Variants in SALL4 observed in about 807,000 individuals in gnomAD.
SALL4 encodes spalt like transcription factor 4.
SALL4 carries 4 observed loss-of-function variants against 60.8 expected under a neutral mutation model. The ratio of observed to expected loss-of-function variants is 0.07; its 90% CI spans 0.03 to 0.15. SALL4 has a LOEUF of 0.15. SALL4 is among the 10% of genes least tolerant of loss of function. SALL4 has a pLI of 1.00. For missense variants in SALL4, 1,178 were observed against 1,394.7 expected (o/e 0.84, Z 2.48); for synonymous variants, 580 against 574.9 (o/e 1.01, Z -0.13).
At chr20:51,787,401 G>T (rs925402568) in intron 3 of SALL4, among the ~76,000 whole-genome samples, 44 of 152,222 alleles carry the variant, frequency 2.9e-4, no homozygotes, top group Admixed American at 2.9e-3. Flanking sequence ...TCCAGCCTGG[G>T]TGACAGAGCA....
At position 51,784,117 on chromosome 20, in the gene SALL4, G is replaced by C. The variant is rs1021430165; in HGVS notation, c.*148C>G. The C allele has an allele frequency of 1.4e-5, 12 of 874,032 alleles. No individual in the cohort carries two copies. In the Admixed American group the frequency reaches 2.3e-4, roughly 17 times the overall value. 54.1% of individuals were successfully genotyped at this position (874,032 alleles called of 1,614,324 possible). A position where few individuals can be genotyped will look rare whatever the true frequency, so the allele number is the denominator to read the frequency against. ...AGCAACAATCGTGATTGTAGCACTT[G>C]CCTGAGGTTGTGGTCACAACCAACG... On this transcript the variant is annotated 3_prime_UTR_variant, in exon 4 of 4. Transcript: ENST00000217086.
At position 51,783,655 on chromosome 20, in the gene SALL4, A is replaced by G. The variant is rs1436266666; in HGVS notation, c.*610T>C. 1 of 154,686 alleles carries G rather than the reference A, an allele frequency of 6.5e-6. No individual in the cohort carries two copies. The allele number at this position is 154,686 out of a possible 1,614,324, so 9.6% of individuals were successfully genotyped here. On this transcript the variant is annotated 3_prime_UTR_variant, in exon 4 of 4. Transcript: ENST00000217086. Reference sequence around the variant, plus strand: ...GGAAAAAGTCACTCTAGGTTGTACAAAGGTTCTATGTATACGTCTGTTACA... The same window carrying G: ...GGAAAAAGTCACTCTAGGTTGTACAGAGGTTCTATGTATACGTCTGTTACA...
rs771583044 is a variant in SALL4, at chr20:51,784,224, T to C, written c.*41A>G. ...TACAAAACAAAGCAGATTCTAGAGA[T>C]TTCACTGTGTCTGCATTGCTCCTTC... On this transcript the variant is annotated 3_prime_UTR_variant, in exon 4 of 4. Transcript: ENST00000217086. The C allele has an allele frequency of 1.9e-6, 3 of 1,606,890 alleles. No homozygotes were observed. In the South Asian group the frequency reaches 3.3e-5, roughly 18 times the overall value.
At position 51,790,391 on chromosome 20, in the gene SALL4, A is replaced by G. The variant is rs1365130096; in HGVS notation, c.2092T>C (p.Ser698Pro). 5.6e-6 allele frequency: 9 copies of G among 1,613,924 alleles called. No homozygotes were observed. Among genetic ancestry groups the G allele is most frequent in the Non-Finnish European group, 7.6e-6 (9 of 1,180,048 alleles). Residue 698 changes from serine to proline, a missense_variant, in exon 2 of 4, where the codon TCC becomes CCC. By Grantham distance (74) the Ser-to-Pro change is moderately conservative (BLOSUM62 -1). Transcript: ENST00000217086. The surrounding 1 kb of genome is among the most constrained non-coding windows in gnomAD (Gnocchi z 5.5). ...IESIDVEEVS[S>P]QEAPSSSSKV... is the part of the protein sequence containing the mutation. ...GAGGAGCTGCTGGGAGCCTCCTGGG[A>G]GCTGACTTCCTCTACATCGATGCTT...
Position 51,784,189 on chromosome 20 carries a change from G to A in SALL4, c.*76C>T, listed in dbSNP as rs1476714034. On this transcript the variant is annotated 3_prime_UTR_variant, in exon 4 of 4. Transcript: ENST00000217086. ...CAGTAAGAAAAAGAAAACAGGAGGA[G>A]ATGAGTTCTTACAAAACAAAGCAGA... 1 of 1,535,320 alleles carries A rather than the reference G, an allele frequency of 6.5e-7. No homozygotes were observed. The highest frequency in any genetic ancestry group is 1.7e-5 in the Admixed American group (1 of 59,856).
chr20:51,798,389 AG>A lies in SALL4; in HGVS notation c.130+3889del, dbSNP rs2078090866. 3.1e-5 allele frequency among the ~76,000 whole-genome samples: 4 copies of A among 129,186 alleles called. No individual in the cohort carries two copies. The South Asian group carries it at 1.1e-3, about 35-fold the overall frequency. The allele number at this position is 129,186 out of a possible 152,430, so 84.8% of individuals were successfully genotyped here. A position where few individuals can be genotyped will look rare whatever the true frequency, so the allele number is the denominator to read the frequency against. ...GCAAGTTTGCAAACTCCATGAGGGC[AG>A]GGGTTTTTGTCGCCTGTCTCCAGAG... On this transcript the variant is annotated intron_variant, in intron 1 of 3. Coordinates refer to ENST00000217086, the MANE Select transcript of SALL4 (RefSeq NM_020436.5).
In SALL4 at chr20:51,791,611, T is replaced by G. The variant is rs779577549; in HGVS notation, c.872A>C (p.Gln291Pro). ...GATGTTGGCGTGAGGTAGCTTGGCTTGTTTCAAGGCATCCAGAGACAGACC... is the reference window on the plus strand; with the variant it reads ...GATGTTGGCGTGAGGTAGCTTGGCTGGTTTCAAGGCATCCAGAGACAGACC... ...SQGLSLDALK[Q>P]AKLPHANIPS... The change falls in exon 2 of 4, where the codon CAA (glutamine) becomes CCA (proline). Residue 291 changes from glutamine to proline, a missense_variant. Around this residue, in one of 5 missense-constraint regions of SALL4, gnomAD observed 853 missense variants for 1,036.8 expected, o/e 0.82. Coordinates refer to ENST00000217086, the MANE Select transcript of SALL4 (RefSeq NM_020436.5). This position sits in a 1 kb window ranked among gnomAD's most constrained non-coding sequence, Gnocchi z 4.6. 1 of 1,613,676 alleles carries G rather than the reference T, an allele frequency of 6.2e-7. No homozygotes were observed. The highest frequency in any genetic ancestry group is 8.5e-7 in the Non-Finnish European group (1 of 1,180,024).
chr20:51,802,237 G>A (rs754078159), intron 1 of SALL4, 42 bp downstream of exon 1: 59 of 1,555,526 alleles, frequency 3.8e-5, no homozygotes, highest in Non-Finnish European at 4.9e-5. Context: ...GCGTACGTCC[G>A]GGAAGCTCCC....
At position 51,801,614 on chromosome 20, in the gene SALL4, A is replaced by G. The variant is rs992030394; in HGVS notation, c.130+665T>C. 6.6e-6 allele frequency: 1 copy of G among 152,566 alleles called. No homozygotes were observed. The highest frequency in any genetic ancestry group is 2.4e-5 in the African/African-American group (1 of 41,450). 9.5% of individuals were successfully genotyped at this position (152,566 alleles called of 1,614,324 possible). The stretch of plus-strand genomic sequence containing the variant: ...CCCGGGCAGAAAAGGCGAAATCCAG[A>G]AAAGAAAAAAATTTTAAAGGGAAAC... On this transcript the variant is annotated intron_variant, in intron 1 of 3. Coordinates refer to ENST00000217086, the MANE Select transcript of SALL4 (RefSeq NM_020436.5). This position sits in a 1 kb window ranked among gnomAD's most constrained non-coding sequence, Gnocchi z 5.2.
At chr20:51,784,819 G>A (rs1601162681) in intron 3 of SALL4, 135 bp from the exon 4 acceptor site, 3 of 977,850 alleles carry the variant, frequency 3.1e-6, no homozygotes, top group South Asian at 1.4e-5. Flanking sequence ...TTACAGCGGG[G>A]TTATGCCCAG....
Position 51,788,999 on chromosome 20 carries a change from C to T in SALL4, c.2604G>A (p.Lys868=). Residue 868 remains lysine (K), a synonymous_variant, in exon 3 of 4, where the codon AAG becomes AAA. Transcript: ENST00000217086. The surrounding 1 kb of genome is among the most constrained non-coding windows in gnomAD (Gnocchi z 4.1). ...LLAAQPRRQA[K]QHGCTRCGKN... ...TCCCACACCGTGTGCAGCCATGTTG[C>T]TTGGCCTGTCGGCGTGGCTGGGCTG... The T allele has an allele frequency of 1.2e-6, 2 of 1,614,246 alleles. No homozygotes were observed. Among genetic ancestry groups the T allele is most frequent in the Non-Finnish European group, 1.7e-6 (2 of 1,180,052 alleles).
At position 51,791,968 on chromosome 20, in the gene SALL4, G is replaced by A. The variant is rs1568865796; in HGVS notation, c.515C>T (p.Ala172Val). The change falls in exon 2 of 4, where the codon GCC (alanine) becomes GTC (valine). Residue 172 changes from alanine (A) to valine (V), a missense_variant. This residue lies in a region of SALL4 where 853 missense variants were observed against 1,036.8 expected (regional missense o/e 0.82). Transcript: ENST00000217086. The surrounding 1 kb of genome is among the most constrained non-coding windows in gnomAD (Gnocchi z 4.6). ...PPTPQDISYL[A>V]KGKVANTNVT... ...ATTAGTGTTGGCCACTTTGCCTTTG[G>A]CTAAATAGCTTATGTCCTGGGGGGT... 1 of 1,614,192 alleles carries A rather than the reference G, an allele frequency of 6.2e-7. No homozygotes were observed. Among genetic ancestry groups the A allele is most frequent in the East Asian group, 2.2e-5 (1 of 44,868 alleles).
intron 1 of SALL4, among the ~76,000 whole-genome samples, chr20:51,798,826 T>C (rs6021444): frequency 0.1 from 15,422 of 151,388 alleles, 1,397 homozygotes; most frequent in African/African-American, 0.24. Flanking sequence ...TGACCTAAGG[T>C]TATTTTTAAA....
At chr20:51,797,898 A>C (rs2078088056) in intron 1 of SALL4, among the ~76,000 whole-genome samples, 1 of 152,178 alleles carries the variant, frequency 6.6e-6, no homozygotes, top group Non-Finnish European at 1.5e-5. Flanking sequence ...TGAAATGCTT[A>C]AAAAGTAAAA....
intron 1 of SALL4, among the ~76,000 whole-genome samples, chr20:51,794,482 C>T (rs1194056021): frequency 5.3e-5 from 8 of 152,020 alleles, no homozygotes; most frequent in African/African-American, 1.5e-4. Context: ...ACCCAGGAGG[C>T]GGAGGTTGCA....
Position 51,790,760 on chromosome 20 carries a change from A to G in SALL4, c.1723T>C (p.Leu575=), listed in dbSNP as rs529350413. 174 of 1,614,148 alleles carry G rather than the reference A, an allele frequency of 1.1e-4. 2 individuals are homozygous for G. The South Asian group carries it at 1.8e-3, about 17-fold the overall frequency. ...PNECLICHRV[L]SCQSSLKMHY... is the part of the protein sequence containing the mutation. ...ATCTTGAGGGAGCTCTGACAGCTTAAGACTCGGTGGCAAATGAGACATTCG... is the reference window on the plus strand; with the variant it reads ...ATCTTGAGGGAGCTCTGACAGCTTAGGACTCGGTGGCAAATGAGACATTCG... Residue 575 remains leucine, a synonymous_variant, in exon 2 of 4, where the codon TTA becomes CTA. Coordinates refer to ENST00000217086, the MANE Select transcript of SALL4 (RefSeq NM_020436.5). This position sits in a 1 kb window ranked among gnomAD's most constrained non-coding sequence, Gnocchi z 5.5.
At chr20:51,785,075 G>A (rs2077982353) in intron 3 of SALL4, among the ~76,000 whole-genome samples, 1 of 152,080 alleles carries the variant, frequency 6.6e-6, no homozygotes, top group African/African-American at 2.4e-5. Context: ...AGCTGAGGTG[G>A]GCAGATCACT....
At chr20:51,785,730 G>A (rs13039591) in intron 3 of SALL4, among the ~76,000 whole-genome samples, 31,990 of 150,980 alleles carry the variant, frequency 0.21, 3,718 homozygotes, top group Non-Finnish European at 0.27. Flanking sequence ...TGCAACCTCC[G>A]CCTCCCGGGT....
In SALL4 at chr20:51,790,895, A is replaced by T. The variant is rs771417426; in HGVS notation, c.1588T>A (p.Ser530Thr). Residue 530 changes from serine to threonine, a missense_variant, in exon 2 of 4, where the codon TCC becomes ACC. Physicochemically the swap from Ser to Thr is moderately conservative, Grantham distance 58. This residue lies in a region of SALL4 where 853 missense variants were observed against 1,036.8 expected (regional missense o/e 0.82). Transcript: ENST00000217086. The surrounding 1 kb of genome is among the most constrained non-coding windows in gnomAD (Gnocchi z 5.5). ...TLPGVGPNYNSPRAGGFQGSG... is the reference protein window; with the variant it reads ...TLPGVGPNYNTPRAGGFQGSG... ...CCTTGGAAGCCACCAGCCCTTGGGG[A>T]ATTATAGTTTGGTCCCACCCCAGGG... The T allele has an allele frequency of 6.2e-7, 1 of 1,613,790 alleles. No homozygotes were observed. Among genetic ancestry groups the T allele is most frequent in the Non-Finnish European group, 8.5e-7 (1 of 1,179,970 alleles).
Sources: allele counts gnomAD v4.1 joint callset (sites outside exome capture counted in the v4.1 genomes callset), GRCh38; gene constraint gnomAD v4.1.1; regional missense constraint gnomAD v4.1.1; non-coding constraint Gnocchi (gnomAD v3.1); transcripts MANE v1.5; gene names NCBI Gene and HGNC (gene_info 2026-07-23, HGNC 2026-07-21).